PLCL1: variants seen among roughly 807,000 people sequenced by gnomAD.
The protein encoded by PLCL1 is inactive phospholipase C-like protein 1.
In PLCL1, 41 loss-of-function variants were observed where a neutral mutation model predicts 84.4. The observed-to-expected ratio is 0.49, with a 90% CI of 0.38 to 0.63. The LOEUF is 0.63. Among genes scored for constraint, PLCL1 ranks in the 30% least tolerant of loss-of-function variants. PLCL1 has a pLI of 0.00. For synonymous variants in PLCL1, 490 were observed against 488.3 expected (o/e 1.00, Z -0.05); for missense variants, 1,206 against 1,367.8 (o/e 0.88, Z 1.87).
At chr2:197,956,233 G>C (rs1689491063) in intron 1 of PLCL1, among the ~76,000 whole-genome samples, 1 of 152,084 alleles carries the variant, frequency 6.6e-6, no homozygotes, top group Non-Finnish European at 1.5e-5. Context: ...ATGAATATTT[G>C]GGTTGGTTAC....
chr2:197,830,599 C>T (rs112456427), intron 1 of PLCL1, among the ~76,000 whole-genome samples: 2,254 of 152,148 alleles, frequency 0.015, 63 homozygotes, highest in African/African-American at 0.052. Context: ...AAACACTTTT[C>T]AGGATATTAT....
At chr2:198,043,159 C>T (rs1254100215) in intron 1 of PLCL1, among the ~76,000 whole-genome samples, 3 of 151,576 alleles carry the variant, frequency 2.0e-5, no homozygotes, top group African/African-American at 7.3e-5. Flanking sequence ...GGGTGGTAGA[C>T]CTAGTAAAAG....
chr2:197,821,651 G>A (rs889659671), intron 1 of PLCL1, among the ~76,000 whole-genome samples: 1 of 152,092 alleles, frequency 6.6e-6, no homozygotes, highest in Non-Finnish European at 1.5e-5. Flanking sequence ...TCTTTTTAAG[G>A]AAGTGACCCA....
At chr2:198,040,861 T>A (rs1691644052) in intron 1 of PLCL1, among the ~76,000 whole-genome samples, 2 of 152,118 alleles carry the variant, frequency 1.3e-5, no homozygotes, top group Non-Finnish European at 2.9e-5. Context: ...AACAATACAT[T>A]TACCCAAATA....
chr2:197,936,176 A>C (rs1414317084), intron 1 of PLCL1, among the ~76,000 whole-genome samples: 1 of 143,656 alleles, frequency 7.0e-6, no homozygotes, highest in Non-Finnish European at 1.5e-5. Flanking sequence ...ATTGATGGAC[A>C]CTTAGGTTGA....
intron 1 of PLCL1, among the ~76,000 whole-genome samples, chr2:197,949,647 T>C (rs1356684470): frequency 6.6e-6 from 1 of 152,102 alleles, no homozygotes; most frequent in Non-Finnish European, 1.5e-5. Flanking sequence ...CATTGTTCTC[T>C]TTCTAAGGAG....
Position 197,834,886 on chromosome 2 carries a change from C to T in PLCL1, c.240+29547C>T, listed in dbSNP as rs981088566. 5.3e-5 allele frequency among the ~76,000 whole-genome samples: 8 copies of T among 152,152 alleles called. No individual in the cohort carries two copies. The South Asian group carries it at 6.2e-4, about 12-fold the overall frequency. On this transcript the variant is annotated intron_variant, in intron 1 of 5. Transcript: ENST00000428675. ...GCAGCACTATTCACAATAGCAAAGA[C>T]GTGGAACTAACCCAAATGTCCATCA...
intron 1 of PLCL1, among the ~76,000 whole-genome samples, chr2:197,996,280 T>G: frequency 6.6e-6 from 1 of 151,960 alleles, no homozygotes; most frequent in Admixed American, 6.6e-5. Context: ...CACAGAGAGA[T>G]GAGAGGGCTA....
chr2:198,096,976 C>T (rs1012985387), intron 3 of PLCL1, among the ~76,000 whole-genome samples: 1 of 152,090 alleles, frequency 6.6e-6, no homozygotes, highest in African/African-American at 2.4e-5. Flanking sequence ...TCTATAGTTC[C>T]CCGATTTAGT....
chr2:198,093,108 GATT>G (rs1693090253), intron 3 of PLCL1, among the ~76,000 whole-genome samples: 1 of 152,290 alleles, frequency 6.6e-6, no homozygotes, highest in African/African-American at 2.4e-5. Flanking sequence ...ACAGTAAAAA[GATT>G]ATTATTTGCC....
intron 2 of PLCL1, among the ~76,000 whole-genome samples, chr2:198,086,779 T>A (rs1227250268): frequency 6.6e-6 from 1 of 152,232 alleles, no homozygotes; most frequent in East Asian, 1.9e-4. Flanking sequence ...ATATTAAATA[T>A]CCTTAGTACA....
At chr2:197,881,622 T>C (rs185524606) in intron 1 of PLCL1, among the ~76,000 whole-genome samples, 1 of 152,254 alleles carries the variant, frequency 6.6e-6, no homozygotes, top group East Asian at 1.9e-4. Flanking sequence ...GTTATCATGC[T>C]AAGATTGGGA....
chr2:197,950,505 A>G (rs1223438413), intron 1 of PLCL1, among the ~76,000 whole-genome samples: 1 of 152,170 alleles, frequency 6.6e-6, no homozygotes, highest in Non-Finnish European at 1.5e-5. Flanking sequence ...TAAACCAGAA[A>G]GGAATATGGT....
At chr2:198,092,767 G>T (rs1056899501) in intron 3 of PLCL1, among the ~76,000 whole-genome samples, 1 of 152,084 alleles carries the variant, frequency 6.6e-6, no homozygotes, top group Non-Finnish European at 1.5e-5. Flanking sequence ...TACTTTGCTT[G>T]AACTTTTTAA....
At position 197,837,420 on chromosome 2, in the gene PLCL1, G is replaced by T. The variant is rs559120753; in HGVS notation, c.240+32081G>T. ...CTACCTCTTTCTGTGGTCTCTGTCTGCTTAGCCGTTTTCTTGAAATCAGTG... is the reference window on the plus strand; with the variant it reads ...CTACCTCTTTCTGTGGTCTCTGTCTTCTTAGCCGTTTTCTTGAAATCAGTG... On this transcript the variant is annotated intron_variant, in intron 1 of 5. Coordinates refer to ENST00000428675, the MANE Select transcript of PLCL1 (RefSeq NM_006226.4). 3.3e-5 allele frequency among the ~76,000 whole-genome samples: 5 copies of T among 152,322 alleles called. No homozygotes were observed. In the South Asian group the frequency reaches 1.0e-3, roughly 32 times the overall value.
chr2:197,988,875 A>G (rs1339144618), intron 1 of PLCL1, among the ~76,000 whole-genome samples: 1 of 152,168 alleles, frequency 6.6e-6, no homozygotes, highest in East Asian at 1.9e-4. Flanking sequence ...CCATATTGAC[A>G]CCAACATTTA....
intron 5 of PLCL1, among the ~76,000 whole-genome samples, chr2:198,122,211 G>A (rs1413639405): frequency 6.6e-6 from 1 of 151,990 alleles, no homozygotes; most frequent in African/African-American, 2.4e-5. Flanking sequence ...AATTATCCCA[G>A]TGCAAGAAGA....
At chr2:197,823,859 G>A (rs1015980233) in intron 1 of PLCL1, among the ~76,000 whole-genome samples, 1 of 152,238 alleles carries the variant, frequency 6.6e-6, no homozygotes. Flanking sequence ...TCCTCAGTAT[G>A]TATAATTGTC....
chr2:197,959,005 C>G (rs1284535968), intron 1 of PLCL1, among the ~76,000 whole-genome samples: 1 of 152,014 alleles, frequency 6.6e-6, no homozygotes, highest in East Asian at 1.9e-4. Context: ...ATCACTCACT[C>G]TACCAGGATT....
Sources: gnomAD v4.1 joint callset for allele counts (sites outside exome capture counted in the v4.1 genomes callset) on GRCh38, gnomAD v4.1.1 for gene constraint, MANE v1.5 for transcripts, NCBI Gene and HGNC (gene_info 2026-07-23, HGNC 2026-07-21) for gene names.